The following RBFOX3 variants were observed in gnomAD, a reference collection of about 807,000 sequenced individuals.
The protein encoded by RBFOX3 is RNA binding fox-1 homolog 3, also known as RNA binding protein fox-1 homolog 3.
Under a neutral mutation model 48.7 loss-of-function variants are expected in RBFOX3, and 17 were observed. That is an observed-to-expected ratio of 0.35 (90% CI 0.24 to 0.52). The LOEUF is 0.52. Among genes scored for constraint, RBFOX3 ranks in the 20% least tolerant of loss-of-function variants. The pLI is 0.94. For synonymous variants in RBFOX3, 212 were observed against 209.5 expected, an observed-to-expected ratio of 1.01 and a Z score of -0.10; for missense variants, 382 against 497.5, an observed-to-expected ratio of 0.77 and a Z score of 2.21.
intron 4 of RBFOX3, among the ~76,000 whole-genome samples, chr17:79,137,976 G>A (rs1172443639): frequency 2.0e-5 from 3 of 152,178 alleles, no homozygotes; most frequent in Non-Finnish European, 4.4e-5. Flanking sequence ...TAGAAGCCAT[G>A]TGCACATGTG....
intron 2 of RBFOX3, among the ~76,000 whole-genome samples, chr17:79,309,850 T>C (rs1300610795): frequency 6.6e-6 from 1 of 152,190 alleles, no homozygotes; most frequent in East Asian, 1.9e-4. Context: ...TCACTTCCCC[T>C]TCGCCTTCCG....
At position 79,564,902 on chromosome 17, in the gene RBFOX3, G is replaced by A. The variant is rs939066339; in HGVS notation, c.-320+45924C>T. ...TAAAAAATACAAAAATTAGCCGGGC[G>A]TGCTGGCACACGCCTGTAGTCCCAG... On this transcript the variant is annotated intron_variant, in intron 1 of 14. Coordinates refer to ENST00000693108, the MANE Select transcript of RBFOX3 (RefSeq NM_001350451.2). 2.4e-4 allele frequency among the ~76,000 whole-genome samples: 37 copies of A among 152,098 alleles called. 1 individual carries two copies. The highest frequency in any genetic ancestry group is 3.8e-4 in the Non-Finnish European group (26 of 67,996).
At chr17:79,207,377 G>A (rs953894565) in intron 4 of RBFOX3, among the ~76,000 whole-genome samples, 2 of 152,206 alleles carry the variant, frequency 1.3e-5, no homozygotes, top group African/African-American at 2.4e-5. Flanking sequence ...AGTGTCCCTC[G>A]ATTAGCCACC....
At chr17:79,555,922 GACA>G (rs2045839448) in intron 1 of RBFOX3, among the ~76,000 whole-genome samples, 1 of 151,592 alleles carries the variant, frequency 6.6e-6, no homozygotes, top group African/African-American at 2.4e-5. Context: ...TGGCAACAAT[GACA>G]ACAATTACAT....
chr17:79,595,707 G>A (rs978443493), intron 1 of RBFOX3, among the ~76,000 whole-genome samples: 1 of 152,212 alleles, frequency 6.6e-6, no homozygotes, highest in Non-Finnish European at 1.5e-5. Flanking sequence ...GTCACGAGGG[G>A]CTCCTATGCA....
intron 4 of RBFOX3, among the ~76,000 whole-genome samples, chr17:79,218,905 CA>C (rs1172698357): frequency 6.6e-6 from 1 of 152,248 alleles, no homozygotes; most frequent in African/African-American, 2.4e-5. Context: ...CAGCAGAGCT[CA>C]GCCCATGGGG....
chr17:79,595,960 G>C (rs955723112), intron 1 of RBFOX3, among the ~76,000 whole-genome samples: 19 of 152,304 alleles, frequency 1.2e-4, no homozygotes, highest in African/African-American at 4.6e-4. Context: ...GGTACATTAC[G>C]CTCCGAAGGA....
chr17:79,258,374 G>A (rs1020644923), intron 3 of RBFOX3, among the ~76,000 whole-genome samples: 5 of 152,236 alleles, frequency 3.3e-5, no homozygotes, highest in Non-Finnish European at 5.9e-5. Context: ...GTACTGAGGT[G>A]AAAGCAGAGG....
chr17:79,607,051 C>T (rs897041716), intron 1 of RBFOX3, among the ~76,000 whole-genome samples: 20 of 152,204 alleles, frequency 1.3e-4, no homozygotes, highest in South Asian at 2.1e-4. Context: ...GAAAATACCG[C>T]GCTGCTTTAT....
intron 3 of RBFOX3, among the ~76,000 whole-genome samples, chr17:79,269,323 A>G (rs536859097): frequency 6.6e-6 from 1 of 152,212 alleles, no homozygotes; most frequent in Admixed American, 6.5e-5. Flanking sequence ...CTGGGAGAGG[A>G]GGCATTTCTG....
At chr17:79,476,455 C>G (rs2077774949) in intron 2 of RBFOX3, among the ~76,000 whole-genome samples, 1 of 152,206 alleles carries the variant, frequency 6.6e-6, no homozygotes, top group Non-Finnish European at 1.5e-5. Flanking sequence ...AGGATAGAGG[C>G]AAAGCCAAAA....
At chr17:79,187,355 G>A (rs773928802) in intron 4 of RBFOX3, among the ~76,000 whole-genome samples, 5 of 152,212 alleles carry the variant, frequency 3.3e-5, no homozygotes, top group Admixed American at 6.5e-5. Flanking sequence ...CCCCTGCGCC[G>A]TGAGGACAGT....
At chr17:79,170,460 G>A (rs977601787) in intron 4 of RBFOX3, among the ~76,000 whole-genome samples, 2 of 152,132 alleles carry the variant, frequency 1.3e-5, no homozygotes, top group South Asian at 4.1e-4. Flanking sequence ...GGGAGCCACG[G>A]CCTGGGGGCT....
intron 4 of RBFOX3, among the ~76,000 whole-genome samples, chr17:79,210,208 G>A (rs1353840278): frequency 6.6e-6 from 1 of 152,202 alleles, no homozygotes; most frequent in Admixed American, 6.5e-5. Flanking sequence ...CAATGGGCAG[G>A]TGCCTGGTCA....
chr17:79,351,530 T>C (rs1021564491), intron 2 of RBFOX3, among the ~76,000 whole-genome samples: 11 of 152,206 alleles, frequency 7.2e-5, no homozygotes, highest in Admixed American at 7.2e-4. Flanking sequence ...GCAGACATCT[T>C]ACTGTGTGCC....
chr17:79,411,834 G>A (rs1433566626), intron 2 of RBFOX3, among the ~76,000 whole-genome samples: 2 of 152,230 alleles, frequency 1.3e-5, no homozygotes, highest in African/African-American at 4.8e-5. Flanking sequence ...AACAATGAAG[G>A]CTCATACTGG....
chr17:79,617,398 C>G, the RBFOX3 span, among the ~76,000 whole-genome samples: 1,168 of 151,532 alleles, frequency 7.7e-3, 55 homozygotes, highest in East Asian at 0.15. Context: ...TCACAAGCAT[C>G]CCTACCTCCA....
intron 3 of RBFOX3, among the ~76,000 whole-genome samples, chr17:79,300,102 C>T (rs2075076289): frequency 6.6e-6 from 1 of 152,140 alleles, no homozygotes; most frequent in African/African-American, 2.4e-5. Context: ...TGGTGTTTTG[C>T]CATGTTGGCC....
intron 2 of RBFOX3, among the ~76,000 whole-genome samples, chr17:79,437,778 C>G (rs1555732079): frequency 6.6e-6 from 1 of 152,234 alleles, no homozygotes; most frequent in African/African-American, 2.4e-5. Flanking sequence ...AGGGTATTTC[C>G]AGAAGGCATC....
Sources: gnomAD v4.1 joint callset for allele counts (sites outside exome capture counted in the v4.1 genomes callset) on GRCh38, gnomAD v4.1.1 for gene constraint, MANE v1.5 for transcripts, NCBI Gene and HGNC (gene_info 2026-07-23, HGNC 2026-07-21) for gene names.